Variants in SLC6A6 observed in about 807,000 individuals in gnomAD.
The protein encoded by SLC6A6 is solute carrier family 6 member 6, also known as sodium- and chloride-dependent taurine transporter.
Under a neutral mutation model 68.8 loss-of-function variants are expected in SLC6A6, and 16 were observed. The ratio of observed to expected loss-of-function variants is 0.23; its 90% CI spans 0.16 to 0.35. SLC6A6 has a LOEUF of 0.35. Ranked by LOEUF, SLC6A6 falls within the 10% of genes least tolerant of loss-of-function variation. SLC6A6 has a pLI of 1.00. For missense variants in SLC6A6, 474 were observed against 802.8 expected (o/e 0.59, Z 4.95); for synonymous variants, 312 against 315.4 (o/e 0.99, Z 0.12).
rs1402361794 is a variant in SLC6A6, at chr3:14,479,130, G to A, written c.1496G>A (p.Arg499Gln). 15 of 1,613,564 alleles carry A rather than the reference G, an allele frequency of 9.3e-6. No individual in the cohort carries two copies. Among genetic ancestry groups the A allele is most frequent in the Non-Finnish European group, 1.3e-5 (15 of 1,179,664 alleles). The change falls in exon 13 of 15, where the codon CGG becomes CAG. Residue 499 changes from arginine (R) to glutamine (Q), a missense_variant. This residue lies in a region of SLC6A6 where 194 missense variants were observed against 269.8 expected (regional missense o/e 0.72). Transcript: ENST00000622186. The part of the protein sequence containing the change: ...YDGIEDMIGY[R>Q]PGPWMKYSWA... The stretch of plus-strand genomic sequence containing the variant: ...GGTATTGAGGACATGATTGGCTATC[G>A]GCCCGGGCCCTGGATGAAGTACAGC...
At chr3:14,482,753 G>A (rs1701037355) in intron 14 of SLC6A6, among the ~76,000 whole-genome samples, 1 of 152,076 alleles carries the variant, frequency 6.6e-6, no homozygotes, top group Non-Finnish European at 1.5e-5. Flanking sequence ...GGGCCCCTGG[G>A]GTTATCCTGG....
rs1051437079 is a variant in SLC6A6 at position 14,472,137 on chromosome 3, G to A, written c.1097-68G>A. ...GTCTGAGTGTCTTTGTGTGAGCCCAGGGTTCCCAGTGGCTTGGTGGCTGAT... is the reference window on the plus strand; with the variant it reads ...GTCTGAGTGTCTTTGTGTGAGCCCAAGGTTCCCAGTGGCTTGGTGGCTGAT... On this transcript the variant is annotated intron_variant, in intron 9 of 14. Coordinates refer to ENST00000622186, the MANE Select transcript of SLC6A6 (RefSeq NM_003043.6). This position sits in a 1 kb window ranked among gnomAD's most constrained non-coding sequence, Gnocchi z 4.5. The A allele has an allele frequency of 1.1e-6, 1 of 943,708 alleles. No homozygotes were observed. Among genetic ancestry groups the A allele is most frequent in the Non-Finnish European group, 1.7e-6 (1 of 577,376 alleles). 58.5% of individuals were successfully genotyped at this position (943,708 alleles called of 1,614,324 possible). A position where few individuals can be genotyped will look rare whatever the true frequency, so the allele number is the denominator to read the frequency against.
intron 1 of SLC6A6, among the ~76,000 whole-genome samples, chr3:14,410,502 CT>C (rs978974979): frequency 2.0e-5 from 3 of 152,178 alleles, no homozygotes; most frequent in African/African-American, 7.2e-5. Context: ...TGGTGAGCAG[CT>C]CTGGCCACTG....
At chr3:14,436,122 A>G (rs1365813891) in intron 2 of SLC6A6, among the ~76,000 whole-genome samples, 3 of 152,332 alleles carry the variant, frequency 2.0e-5, no homozygotes, top group African/African-American at 4.8e-5. Flanking sequence ...AAAAGAGAAA[A>G]AGAAAGGCTT....
intron 2 of SLC6A6, among the ~76,000 whole-genome samples, chr3:14,428,772 T>C (rs994553711): frequency 4.6e-5 from 7 of 152,186 alleles, no homozygotes; most frequent in African/African-American, 1.7e-4. Context: ...GAGCCTCCGC[T>C]GGCCTTTCCT....
At chr3:14,483,725 T>C (rs1474269401) in intron 14 of SLC6A6, among the ~76,000 whole-genome samples, 1 of 152,198 alleles carries the variant, frequency 6.6e-6, no homozygotes, top group Non-Finnish European at 1.5e-5. Flanking sequence ...AGGGTCTTGC[T>C]CCTTTGCCCA....
Position 14,468,287 on chromosome 3 carries a change from C to A in SLC6A6, c.1096+75C>A. On this transcript the variant is annotated intron_variant, in intron 9 of 14. Coordinates refer to ENST00000622186, the MANE Select transcript of SLC6A6 (RefSeq NM_003043.6). This position sits in a 1 kb window ranked among gnomAD's most constrained non-coding sequence, Gnocchi z 4.5. ...AAGCCAAGTACTGCAGGCATGAAGC[C>A]AGACCCCAGGGGGCTTTGAGGGGGG... 7.1e-7 allele frequency: 1 copy of A among 1,399,970 alleles called. No individual in the cohort carries two copies. The highest frequency in any genetic ancestry group is 9.7e-7 in the Non-Finnish European group (1 of 1,029,894). 86.7% of individuals were successfully genotyped at this position (1,399,970 alleles called of 1,614,324 possible).
intron 1 of SLC6A6, among the ~76,000 whole-genome samples, chr3:14,404,598 A>G (rs1574899495): frequency 1.3e-5 from 2 of 152,194 alleles, no homozygotes; most frequent in Admixed American, 6.5e-5. Flanking sequence ...TTTAAGTCCT[A>G]TGCTTTGTTT....
intron 1 of SLC6A6, among the ~76,000 whole-genome samples, chr3:14,413,792 A>G (rs1417941483): frequency 6.6e-6 from 1 of 152,198 alleles, no homozygotes; most frequent in African/African-American, 2.4e-5. Flanking sequence ...GTGTTCTGTC[A>G]TCTGCATCCT....
chr3:14,434,735 C>G (rs1173996831), intron 2 of SLC6A6, among the ~76,000 whole-genome samples: 1 of 152,180 alleles, frequency 6.6e-6, no homozygotes, highest in African/African-American at 2.4e-5. Flanking sequence ...GCCAGCCACC[C>G]TGCCTCATCC....
At chr3:14,447,442 T>C in intron 4 of SLC6A6, 140 bp from the exon 5 acceptor site, 1 of 989,028 alleles carries the variant, frequency 1.0e-6, no homozygotes, top group Non-Finnish European at 1.5e-6. Context: ...CCATTCACCC[T>C]ATAAATATTT....
At chr3:14,412,802 T>C (rs1181687901) in intron 1 of SLC6A6, among the ~76,000 whole-genome samples, 1 of 152,228 alleles carries the variant, frequency 6.6e-6, no homozygotes, top group Non-Finnish European at 1.5e-5. Context: ...ATCCTGTGCT[T>C]CGTCAACTCC....
At chr3:14,458,967 A>C (rs1700432763) in intron 6 of SLC6A6, among the ~76,000 whole-genome samples, 1 of 152,244 alleles carries the variant, frequency 6.6e-6, no homozygotes, top group Non-Finnish European at 1.5e-5. Flanking sequence ...CCCATAACTG[A>C]AATGTTACCT....
In SLC6A6 at chr3:14,472,387, T is replaced by A; in HGVS notation, c.1209+70T>A. 1.1e-6 allele frequency: 1 copy of A among 949,302 alleles called. No homozygotes were observed. The highest frequency in any genetic ancestry group is 1.7e-6 in the Non-Finnish European group (1 of 583,210). The allele number at this position is 949,302 out of a possible 1,614,324, so 58.8% of individuals were successfully genotyped here. On this transcript the variant is annotated intron_variant, in intron 10 of 14. Transcript: ENST00000622186. The surrounding 1 kb of genome is among the most constrained non-coding windows in gnomAD (Gnocchi z 4.5). ...CCTGACTCTGGGAAAGACTCCTTATTCCACCTGGGAGGTGGTCAACCCCCT... is the reference window on the plus strand; with the variant it reads ...CCTGACTCTGGGAAAGACTCCTTATACCACCTGGGAGGTGGTCAACCCCCT...
rs1451753524 is a variant in SLC6A6 at position 14,457,955 on chromosome 3, A to G, written c.605A>G (p.Asn202Ser). ...GGCTCTGTGTTTGCTTCAAGGCGCA[A>G]CGTGCTGAGCTTGTCCCCTGGAATC... ...TSPVIEFWER[N>S]VLSLSPGIDH... The change falls in exon 6 of 15, where the codon AAC (asparagine) becomes AGC (serine). Residue 202 changes from asparagine (N) to serine (S), a missense_variant. This residue lies in a region of SLC6A6 where 280 missense variants were observed against 533.1 expected (regional missense o/e 0.53). Transcript: ENST00000622186. 1 of 1,614,160 alleles carries G rather than the reference A, an allele frequency of 6.2e-7. No homozygotes were observed. Among genetic ancestry groups the G allele is most frequent in the Non-Finnish European group, 8.5e-7 (1 of 1,180,006 alleles).
chr3:14,460,616 A>G (rs1312682891), intron 6 of SLC6A6, among the ~76,000 whole-genome samples: 1 of 152,244 alleles, frequency 6.6e-6, no homozygotes, highest in Non-Finnish European at 1.5e-5. Context: ...TTTGAGACAT[A>G]ATGCAGAATA....
chr3:14,477,179 C>G lies in SLC6A6; in HGVS notation c.1210-26C>G, dbSNP rs199876492. 6.2e-7 allele frequency: 1 copy of G among 1,602,778 alleles called. No individual in the cohort carries two copies. The highest frequency in any genetic ancestry group is 1.7e-5 in the Admixed American group (1 of 59,804). The stretch of plus-strand genomic sequence containing the variant: ...GGGTGGCCTGAGCGTCAGCCGCTCA[C>G]CAGCTCTCTCTCTTCCCCTCCTCAG... On this transcript the variant is annotated intron_variant, in intron 10 of 14. Coordinates refer to ENST00000622186, the MANE Select transcript of SLC6A6 (RefSeq NM_003043.6). This position sits in a 1 kb window ranked among gnomAD's most constrained non-coding sequence, Gnocchi z 4.2.
In SLC6A6 at chr3:14,472,841, C is replaced by T. The variant is rs1700784426; in HGVS notation, c.1209+524C>T. 1.3e-5 allele frequency among the ~76,000 whole-genome samples: 2 copies of T among 152,236 alleles called. No homozygotes were observed. Among genetic ancestry groups the T allele is most frequent in the South Asian group, 4.1e-4 (2 of 4,830 alleles). On this transcript the variant is annotated intron_variant, in intron 10 of 14. Transcript: ENST00000622186. The surrounding 1 kb of genome is among the most constrained non-coding windows in gnomAD (Gnocchi z 4.5). ...AGAAGCCTACGCCACACTCAGGATTCTGTGCTCCCTGGAGCGTGCGAGGGG... is the reference window on the plus strand; with the variant it reads ...AGAAGCCTACGCCACACTCAGGATTTTGTGCTCCCTGGAGCGTGCGAGGGG...
chr3:14,455,954 T>C (rs1034044086), intron 5 of SLC6A6, among the ~76,000 whole-genome samples: 3 of 152,120 alleles, frequency 2.0e-5, no homozygotes, highest in African/African-American at 4.8e-5. Context: ...ACTGAAGAGA[T>C]TGTTAAAATT....
Sources: gnomAD v4.1 joint callset for allele counts (sites outside exome capture counted in the v4.1 genomes callset) on GRCh38, gnomAD v4.1.1 for gene constraint, gnomAD v4.1.1 regional missense constraint, Gnocchi (gnomAD v3.1) non-coding constraint, MANE v1.5 for transcripts, NCBI Gene and HGNC (gene_info 2026-07-23, HGNC 2026-07-21) for gene names.